Variants in MKX observed in about 807,000 individuals in gnomAD.
MKX encodes mohawk homeobox, also known as homeobox protein Mohawk.
Under a neutral mutation model 36.0 loss-of-function variants are expected in MKX, and 13 were observed. The ratio of observed to expected loss-of-function variants is 0.36; its 90% CI spans 0.24 to 0.57. The LOEUF (loss-of-function observed/expected upper bound fraction) is 0.57, where lower values mean the gene tolerates loss of function less well. Ranked by LOEUF, MKX falls within the 20% of genes least tolerant of loss-of-function variation. The pLI, the probability that MKX is intolerant of heterozygous loss-of-function variation, is 0.79. For synonymous variants in MKX, 176 were observed against 178.3 expected, an observed-to-expected ratio of 0.99 and a Z score of 0.10; for missense variants, 458 against 456.4, an observed-to-expected ratio of 1.00 and a Z score of -0.03.
intron 5 of MKX, among the ~76,000 whole-genome samples, chr10:27,688,550 T>C (rs533018688): frequency 6.6e-6 from 1 of 152,368 alleles, no homozygotes; most frequent in South Asian, 2.1e-4. Context: ...ATTGGAGATG[T>C]TACCCAAAGT....
In MKX at chr10:27,741,326, G is replaced by A. The variant is rs1304649401; in HGVS notation, c.348+19C>T. ...CCCTCGCGGGAAAACGGATCAGGGT[G>A]TTAATGGGTCCTGATTACCTGCACT... On this transcript the variant is annotated intron_variant, in intron 3 of 6. Transcript: ENST00000419761. The surrounding 1 kb of genome is among the most constrained non-coding windows in gnomAD (Gnocchi z 5.1). 6.2e-7 allele frequency: 1 copy of A among 1,610,958 alleles called. No individual in the cohort carries two copies. The highest frequency in any genetic ancestry group is 1.7e-5 in the Admixed American group (1 of 59,410).
chr10:27,718,295 C>T (rs1399415417), intron 5 of MKX, among the ~76,000 whole-genome samples: 1 of 152,112 alleles, frequency 6.6e-6, no homozygotes, highest in Non-Finnish European at 1.5e-5. Flanking sequence ...GCCAAATATG[C>T]AAATTTAAAT....
At position 27,706,533 on chromosome 10, in the gene MKX, C is replaced by A. The variant is rs557467016; in HGVS notation, c.838+27923G>T. ...CTGATTTTTCCCCATCCTTGCCAAC[C>A]CTCGTTAATTCCTGTGTGTGTGTGT... On this transcript the variant is annotated intron_variant, in intron 5 of 6. Coordinates refer to ENST00000419761, the MANE Select transcript of MKX (RefSeq NM_173576.3). Among the ~76,000 whole-genome samples the A allele has an allele frequency of 6.1e-4, 88 of 143,960 alleles. 1 individual carries two copies. The highest frequency in any genetic ancestry group is 2.3e-3 in the African/African-American group (88 of 38,344). The allele number at this position is 143,960 out of a possible 152,430, so 94.4% of individuals were successfully genotyped here.
At chr10:27,709,396 G>C (rs1836814306) in intron 5 of MKX, among the ~76,000 whole-genome samples, 1 of 152,144 alleles carries the variant, frequency 6.6e-6, no homozygotes, top group Non-Finnish European at 1.5e-5. Context: ...AGCATCTGTG[G>C]ATTTTGGTAT....
intron 5 of MKX, among the ~76,000 whole-genome samples, chr10:27,702,517 C>T (rs1836675704): frequency 6.6e-6 from 1 of 152,134 alleles, no homozygotes; most frequent in Admixed American, 6.5e-5. Flanking sequence ...GTTATGGAAG[C>T]TCATTTTTCA....
At chr10:27,678,101 T>TTAC (rs796280704) in intron 5 of MKX, among the ~76,000 whole-genome samples, 93 of 152,362 alleles carry the variant, frequency 6.1e-4, no homozygotes, top group African/African-American at 2.1e-3. Context: ...CCTAATTTAT[T>TTAC]TACTACTACT....
intron 5 of MKX, among the ~76,000 whole-genome samples, chr10:27,699,962 G>T (rs2815573): frequency 0.78 from 118,514 of 152,152 alleles, 46,363 homozygotes; most frequent in Admixed American, 0.83. Context: ...TAGACTTAAC[G>T]TGACAAAGTC....
At chr10:27,707,512 C>T (rs1204578617) in intron 5 of MKX, among the ~76,000 whole-genome samples, 1 of 151,984 alleles carries the variant, frequency 6.6e-6, no homozygotes, top group Non-Finnish European at 1.5e-5. Context: ...TGCCCAAGGT[C>T]GTGGTCCTGG....
At position 27,742,051 on chromosome 10, in the gene MKX, C is replaced by A. The variant is rs1834911263; in HGVS notation, c.189-547G>T. 6.6e-6 allele frequency among the ~76,000 whole-genome samples: 1 copy of A among 152,216 alleles called. No individual in the cohort carries two copies. The highest frequency in any genetic ancestry group is 1.5e-5 in the Non-Finnish European group (1 of 68,040). On this transcript the variant is annotated intron_variant, in intron 2 of 6. Coordinates refer to ENST00000419761, the MANE Select transcript of MKX (RefSeq NM_173576.3). The surrounding 1 kb of genome is among the most constrained non-coding windows in gnomAD (Gnocchi z 4.2). ...CTCTCTTTAAGCTATTTCCTTTGAT[C>A]TTTTAGGAAAAGGGGGAAACTTTCT...
At chr10:27,677,462 T>C (rs1836174951) in intron 5 of MKX, among the ~76,000 whole-genome samples, 1 of 152,202 alleles carries the variant, frequency 6.6e-6, no homozygotes, top group African/African-American at 2.4e-5. Flanking sequence ...GATCGTCATA[T>C]AGTCTAACCA....
At chr10:27,732,315 T>C (rs1415778251) in intron 5 of MKX, among the ~76,000 whole-genome samples, 1 of 152,204 alleles carries the variant, frequency 6.6e-6, no homozygotes, top group Non-Finnish European at 1.5e-5. Flanking sequence ...CTAAAAATCT[T>C]AATTTTTCCC....
rs1834993391 is a variant in MKX at position 27,744,198 on chromosome 10, C to T, written c.-82-701G>A. On this transcript the variant is annotated intron_variant, in intron 1 of 6. Transcript: ENST00000419761. The surrounding 1 kb of genome is among the most constrained non-coding windows in gnomAD (Gnocchi z 5.6). Reference sequence around the variant, plus strand: ...TTCTCTCCCAGAATCTTCCTATCATCCCCCAACGCGCCCCGGGAAGTGCAT... The same window carrying T: ...TTCTCTCCCAGAATCTTCCTATCATTCCCCAACGCGCCCCGGGAAGTGCAT... Among the ~76,000 whole-genome samples the T allele has an allele frequency of 6.6e-6, 1 of 152,136 alleles. No homozygotes were observed.
Position 27,741,573 on chromosome 10 carries a change from G to A in MKX, c.189-69C>T, listed in dbSNP as rs57040272. On this transcript the variant is annotated intron_variant, in intron 2 of 6. Transcript: ENST00000419761. This position sits in a 1 kb window ranked among gnomAD's most constrained non-coding sequence, Gnocchi z 5.1. ...TGCCCGCCCGGACGCTCCACGCCCC[G>A]GCCAAGCCCGGGCCCCGCATCCAAA... The A allele has an allele frequency of 2.4e-3, 3,605 of 1,481,496 alleles. 62 individuals carry two copies. The African/African-American group carries it at 0.045, about 18-fold the overall frequency. 91.8% of individuals were successfully genotyped at this position (1,481,496 alleles called of 1,614,324 possible). A position where few individuals can be genotyped will look rare whatever the true frequency, so the allele number is the denominator to read the frequency against.
At chr10:27,722,231 A>T (rs1020716076) in intron 5 of MKX, among the ~76,000 whole-genome samples, 6 of 152,178 alleles carry the variant, frequency 3.9e-5, no homozygotes, top group African/African-American at 1.2e-4. Flanking sequence ...GTCAGAGCCC[A>T]ACACCCCCAC....
At chr10:27,698,507 G>A (rs1288507929) in intron 5 of MKX, among the ~76,000 whole-genome samples, 3 of 152,198 alleles carry the variant, frequency 2.0e-5, no homozygotes, top group Non-Finnish European at 2.9e-5. Flanking sequence ...CATGGAGTTG[G>A]GGGAGTGGGA....
chr10:27,692,258 C>A (rs575545245), intron 5 of MKX, among the ~76,000 whole-genome samples: 4 of 152,194 alleles, frequency 2.6e-5, no homozygotes, highest in South Asian at 2.1e-4. Context: ...TCTAAAAATT[C>A]TTTTTGTCAG....
intron 5 of MKX, among the ~76,000 whole-genome samples, chr10:27,726,057 G>A (rs1834482786): frequency 6.6e-6 from 1 of 152,150 alleles, no homozygotes; most frequent in African/African-American, 2.4e-5. Context: ...GCCCCGGGAT[G>A]TGACTGACCA....
In MKX at chr10:27,673,433, A is replaced by G. The variant is rs1836085942; in HGVS notation, c.*1796T>C. 6.6e-6 allele frequency: 1 copy of G among 152,562 alleles called. No homozygotes were observed. The highest frequency in any genetic ancestry group is 1.5e-5 in the Non-Finnish European group (1 of 67,986). 9.5% of individuals were successfully genotyped at this position (152,562 alleles called of 1,614,324 possible). Reference sequence around the variant, plus strand: ...ATAATAGTATGAAAAAGAGTGAAGTATTTGTCTTTAGTTTTCATTGACATG... The same window carrying G: ...ATAATAGTATGAAAAAGAGTGAAGTGTTTGTCTTTAGTTTTCATTGACATG... On this transcript the variant is annotated 3_prime_UTR_variant, in exon 7 of 7. Coordinates refer to ENST00000419761, the MANE Select transcript of MKX (RefSeq NM_173576.3).
At chr10:27,675,483 T>C (rs1291285195) in intron 6 of MKX, 38 bp downstream of exon 6, 2 of 1,614,118 alleles carry the variant, frequency 1.2e-6, no homozygotes. Context: ...ATGCCATCGC[T>C]GAAAAGCAGG....
Sources: gnomAD v4.1 joint callset for allele counts (sites outside exome capture counted in the v4.1 genomes callset) on GRCh38, gnomAD v4.1.1 for gene constraint, Gnocchi (gnomAD v3.1) non-coding constraint, MANE v1.5 for transcripts, NCBI Gene and HGNC (gene_info 2026-07-23, HGNC 2026-07-21) for gene names.